BCLAF3: variants seen among roughly 807,000 people sequenced by gnomAD.
BCLAF3 encodes the protein BCLAF1 and THRAP3 family member 3, also known as transient octamer binding factor 1.
A neutral mutation model predicts 51.2 loss-of-function variants in BCLAF3; 24 were observed. That is an observed-to-expected ratio of 0.47 (90% CI 0.34 to 0.66). The LOEUF (loss-of-function observed/expected upper bound fraction) is 0.66. BCLAF3 is among the 30% of genes least tolerant of loss of function. BCLAF3 has a pLI of 0.01. For synonymous variants in BCLAF3, 152 were observed against 176.6 expected (o/e 0.86, Z 1.10); for missense variants, 465 against 525.1 (o/e 0.89, Z 1.12).
chrX:19,966,481 A>G lies in BCLAF3; in HGVS notation c.210T>C (p.Tyr70=), dbSNP rs747271587. Residue 70 remains tyrosine, a synonymous_variant, in exon 3 of 12, where the codon TAT becomes TAC. Transcript: ENST00000379682. ...KPRIPSRGNI[Y]YQSYEHRSPS... ...GTGATCTATGTTCATAAGACTGGTAATATATATTTCCACGAGAGGGAATCC... is the reference window on the plus strand; with the variant it reads ...GTGATCTATGTTCATAAGACTGGTAGTATATATTTCCACGAGAGGGAATCC... 8.3e-7 allele frequency: 1 copy of G among 1,211,379 alleles called. No individual in the cohort carries two copies.
At chrX:19,935,998 A>G in intron 9 of BCLAF3, 100 bp from the exon 10 acceptor site, 1 of 677,575 alleles carries the variant, frequency 1.5e-6, no homozygotes, top group Non-Finnish European at 2.3e-6. Context: ...TACAGGATTA[A>G]GAACACAAAG....
At chrX:19,953,962 C>G (rs2071578476) in intron 5 of BCLAF3, 70 bp from the exon 6 acceptor site, 7 of 1,122,398 alleles carry the variant, frequency 6.2e-6, no homozygotes, top group South Asian at 2.3e-5. Context: ...CATATAAGCA[C>G]AGAAAGAAGG....
intron 8 of BCLAF3, among the ~76,000 whole-genome samples, chrX:19,945,510 CA>C (rs1477668301): frequency 1.0e-5 from 1 of 96,560 alleles, no homozygotes; most frequent in East Asian, 2.9e-4. Context: ...CCCTCAGCTG[CA>C]GGTCTGTTGG....
At chrX:19,938,492 T>C (rs1257089739) in intron 8 of BCLAF3, among the ~76,000 whole-genome samples, 3 of 111,908 alleles carry the variant, frequency 2.7e-5, no homozygotes, top group Admixed American at 9.4e-5. Context: ...ACCTCCTGAG[T>C]TCAACTGATT....
chrX:19,960,196 T>C (rs1358387391), intron 4 of BCLAF3, among the ~76,000 whole-genome samples: 1 of 111,792 alleles, frequency 8.9e-6, no homozygotes, highest in Admixed American at 9.5e-5. Context: ...ATTTAATATT[T>C]TAGTATAAAA....
chrX:19,925,030 A>C (rs1352701040), intron 11 of BCLAF3, among the ~76,000 whole-genome samples: 1 of 111,673 alleles, frequency 9.0e-6, no homozygotes, highest in Non-Finnish European at 1.9e-5. Flanking sequence ...TTAGGGTGCC[A>C]CAATGGAATA....
chrX:19,951,219 C>T (rs752166219), intron 7 of BCLAF3, among the ~76,000 whole-genome samples: 2 of 109,754 alleles, frequency 1.8e-5, no homozygotes, highest in Non-Finnish European at 3.8e-5. Flanking sequence ...TCATGGTAAA[C>T]TTAAGTCAAA....
At chrX:19,953,199 T>C (rs1019650960) in intron 6 of BCLAF3, 148 bp from the exon 7 acceptor site, 1 of 441,744 alleles carries the variant, frequency 2.3e-6, no homozygotes, top group Non-Finnish European at 3.9e-6. Context: ...TTCACCTATA[T>C]GGCAGTCTCC....
intron 5 of BCLAF3, chrX:19,954,149 G>A: frequency 1.7e-5 from 13 of 753,776 alleles, no homozygotes; most frequent in Non-Finnish European, 2.0e-5. Flanking sequence ...CTTGTCCAGG[G>A]GAAAAGACAA....
chrX:19,934,494 C>T (rs1460212328), intron 10 of BCLAF3, among the ~76,000 whole-genome samples: 1 of 112,009 alleles, frequency 8.9e-6, no homozygotes, highest in African/African-American at 3.2e-5. Context: ...TTAAAAACTT[C>T]GTGTCACACA....
At position 19,962,375 on chromosome X, in the gene BCLAF3, T is replaced by A. The variant is rs971702959; in HGVS notation, c.1274+2669A>T. Reference sequence around the variant, plus strand: ...TTTTGTATTTTTTGTAGAGATGGGGTTTCATCATGTTGCCTAGGCTGGTCT... The same window carrying A: ...TTTTGTATTTTTTGTAGAGATGGGGATTCATCATGTTGCCTAGGCTGGTCT... On this transcript the variant is annotated intron_variant, in intron 4 of 11. Coordinates refer to ENST00000379682, the MANE Select transcript of BCLAF3 (RefSeq NM_001367774.2). 2.7e-5 allele frequency among the ~76,000 whole-genome samples: 3 copies of A among 111,174 alleles called. No homozygotes were observed. In the South Asian group the frequency reaches 1.1e-3, roughly 42 times the overall value.
At chrX:19,935,326 G>C (rs2147777962) in intron 10 of BCLAF3, 1 of 114,601 alleles carries the variant, frequency 8.7e-6, no homozygotes, top group East Asian at 2.7e-4. Context: ...CCAATAATTA[G>C]AGTGTGATAA....
At chrX:19,970,561 G>A (rs147872882) in intron 1 of BCLAF3, among the ~76,000 whole-genome samples, 1,953 of 111,381 alleles carry the variant, frequency 0.018, 21 homozygotes, top group Non-Finnish European at 0.027. Context: ...TGTCACATCT[G>A]TTTCTTCTTT....
In BCLAF3 at chrX:19,935,858, G is replaced by A. The variant is rs1163288770; in HGVS notation, c.1901C>T (p.Pro634Leu). Residue 634 changes from proline (P) to leucine (L), a missense_variant, in exon 10 of 12, where the codon CCA becomes CTA. Pro to Leu is a moderately conservative substitution (Grantham distance 98). Transcript: ENST00000379682. ...TQRKDIITHK[P>L]FEVEGNHRNT... ...TCGGTGGTTTCCCTCAACCTCAAAT[G>A]GTTTGTGAGTAATTATGTCTTTTCT... The A allele has an allele frequency of 8.3e-7, 1 of 1,208,155 alleles. No homozygotes were observed. The highest frequency in any genetic ancestry group is 1.8e-5 in the African/African-American group (1 of 56,996).
chrX:19,957,390 T>C (rs1038222364), intron 4 of BCLAF3, among the ~76,000 whole-genome samples: 5 of 111,810 alleles, frequency 4.5e-5, no homozygotes, highest in African/African-American at 1.3e-4. Context: ...TCCTGTGCCA[T>C]AGCAAAAGAA....
At chrX:19,969,100 G>A (rs2072169883) in intron 2 of BCLAF3, among the ~76,000 whole-genome samples, 1 of 111,622 alleles carries the variant, frequency 9.0e-6, no homozygotes, top group Admixed American at 9.5e-5. Flanking sequence ...GCGACAGAGC[G>A]AGATTCCATC....
In BCLAF3 at chrX:19,952,074, A is replaced by G. The variant is rs147538147; in HGVS notation, c.1629+914T>C. Among the ~76,000 whole-genome samples, 19 of 112,438 alleles carry G rather than the reference A, an allele frequency of 1.7e-4. No homozygotes were observed. In the East Asian group the frequency reaches 3.1e-3, roughly 18 times the overall value. The stretch of plus-strand genomic sequence containing the variant: ...TAGTGACTACGTTAAAATGCAAGCT[A>G]TAAGACTGCCAGAAAAGACGATTAA... On this transcript the variant is annotated intron_variant, in intron 7 of 11. Transcript: ENST00000379682.
intron 8 of BCLAF3, among the ~76,000 whole-genome samples, chrX:19,939,772 CAT>C (rs1042947492): frequency 6.2e-5 from 7 of 112,188 alleles, no homozygotes; most frequent in Middle Eastern, 4.6e-3. Flanking sequence ...AATTCTGACA[CAT>C]GATACAACAT....
At chrX:19,952,880 C>A in intron 7 of BCLAF3, 108 bp downstream of exon 7, 1 of 546,587 alleles carries the variant, frequency 1.8e-6, no homozygotes, top group South Asian at 4.1e-5. Flanking sequence ...GGTTTCAATC[C>A]TCCTTCTTCA....
Sources: allele counts gnomAD v4.1 joint callset (sites outside exome capture counted in the v4.1 genomes callset), GRCh38; gene constraint gnomAD v4.1.1; transcripts MANE v1.5; gene names NCBI Gene and HGNC (gene_info 2026-07-23, HGNC 2026-07-21).